The following GPAM variants were observed in gnomAD, a reference collection of about 807,000 sequenced individuals.
GPAM encodes glycerol-3-phosphate acyltransferase, mitochondrial.
In GPAM, 56 loss-of-function variants were observed where a neutral mutation model predicts 105.0. The observed-to-expected ratio is 0.53, with a 90% CI of 0.43 to 0.67. The LOEUF (loss-of-function observed/expected upper bound fraction) is 0.67, where lower values mean the gene tolerates loss of function less well. GPAM is among the 30% of genes least tolerant of loss of function. The pLI is 0.00. For missense variants in GPAM, 855 were observed against 989.8 expected (o/e 0.86, Z 1.83); for synonymous variants, 368 against 354.4 (o/e 1.04, Z -0.43).
At position 112,151,238 on chromosome 10, in the gene GPAM, G is replaced by A. The variant is rs1846912322; in HGVS notation, c.*2312C>T. ...GCACCTAGTTTGTTTAACCTTATGT[G>A]GAAGCCATCACTGTTGGAAAACAAT... On this transcript the variant is annotated 3_prime_UTR_variant, in exon 22 of 22. Transcript: ENST00000348367. The A allele has an allele frequency of 1.0e-6, 1 of 985,302 alleles. No homozygotes were observed. The highest frequency in any genetic ancestry group is 1.7e-5 in the African/African-American group (1 of 57,174). 61.0% of individuals were successfully genotyped at this position (985,302 alleles called of 1,614,324 possible).
At chr10:112,180,280 A>T (rs1314370670) in intron 4 of GPAM, among the ~76,000 whole-genome samples, 193 bp downstream of exon 4, 1 of 152,230 alleles carries the variant, frequency 6.6e-6, no homozygotes, top group Non-Finnish European at 1.5e-5. Flanking sequence ...CCTAGTATCA[A>T]TTATGGGACC....
intron 6 of GPAM, among the ~76,000 whole-genome samples, chr10:112,174,462 A>C (rs1476603296): frequency 1.3e-5 from 2 of 152,272 alleles, no homozygotes; most frequent in African/African-American, 4.8e-5. Context: ...TAAATCTTCC[A>C]GCTGACTTAG....
Position 112,153,477 on chromosome 10 carries a change from T to C in GPAM, c.*73A>G. The C allele has an allele frequency of 6.2e-7, 1 of 1,609,592 alleles. No individual in the cohort carries two copies. The highest frequency in any genetic ancestry group is 1.7e-4 in the Middle Eastern group (1 of 5,972). On this transcript the variant is annotated 3_prime_UTR_variant, in exon 22 of 22. Transcript: ENST00000348367. ...CTGACCCTGCGATGGCACCTTCAAC[T>C]CTTGAGCCAGAAGCTGGTACCTACA...
chr10:112,226,503 AC>A, the GPAM span, among the ~76,000 whole-genome samples: 12 of 152,102 alleles, frequency 7.9e-5, no homozygotes, highest in African/African-American at 2.9e-4. Flanking sequence ...GGGTGATCAG[AC>A]CCAACACCAG....
At position 112,211,646 on chromosome 10, in the gene GPAM, G is replaced by A. The variant is rs141701572; in HGVS notation, n.210+3522C>T. ...TCAACTGCAAGTTCCACAAGGGCAC[G>A]CAGCTTTCTCAGCCTCATTCTCTAT... On this transcript the variant is annotated intron_variant and non_coding_transcript_variant, in intron 1 of 3. Coordinates refer to the GPAM transcript ENST00000480130. 9.5e-3 allele frequency among the ~76,000 whole-genome samples: 1,443 copies of A among 152,226 alleles called. 15 individuals are homozygous for A. The highest frequency in any genetic ancestry group is 0.014 in the Non-Finnish European group (980 of 68,014).
intron 18 of GPAM, among the ~76,000 whole-genome samples, chr10:112,158,110 T>C (rs1023531475): frequency 2.0e-5 from 3 of 152,146 alleles, no homozygotes; most frequent in African/African-American, 7.2e-5. Context: ...TTTGTATTTT[T>C]AGGAAAGACA....
chr10:112,153,320 T>G lies in GPAM; in HGVS notation c.*230A>C. On this transcript the variant is annotated 3_prime_UTR_variant, in exon 22 of 22. Coordinates refer to ENST00000348367, the MANE Select transcript of GPAM (RefSeq NM_001244949.2). ...ATCTTGTAGTCTACGGATTATGAGT[T>G]GCGAATAGAGGCTGAGGTCCCCCCA... 7.1e-7 allele frequency: 1 copy of G among 1,406,384 alleles called. No homozygotes were observed. Among genetic ancestry groups the G allele is most frequent in the South Asian group, 1.5e-5 (1 of 66,272 alleles). The allele number at this position is 1,406,384 out of a possible 1,614,324, so 87.1% of individuals were successfully genotyped here.
intron 8 of GPAM, 35 bp downstream of exon 8, chr10:112,172,935 G>C (rs375430774): frequency 3.0e-5 from 33 of 1,084,780 alleles, no homozygotes; most frequent in Non-Finnish European, 4.5e-5. Flanking sequence ...ACAATTGAGG[G>C]GAAAATGGGG....
At chr10:112,206,860 G>A (rs866667970) in intron 1 of GPAM, among the ~76,000 whole-genome samples, 10 of 149,436 alleles carry the variant, frequency 6.7e-5, no homozygotes, top group Admixed American at 5.3e-4. Context: ...AATCAAAACA[G>A]GGATTCTATC....
chr10:112,197,027 C>T (rs1389081960), intron 1 of GPAM, among the ~76,000 whole-genome samples: 1 of 152,170 alleles, frequency 6.6e-6, no homozygotes, highest in African/African-American at 2.4e-5. Flanking sequence ...TATAGGTAAT[C>T]AATGGGTTAA....
intron 18 of GPAM, 34 bp downstream of exon 18, chr10:112,158,282 A>G (rs1438464186): frequency 8.3e-7 from 1 of 1,198,622 alleles, no homozygotes; most frequent in African/African-American, 1.5e-5. Flanking sequence ...AAGAGTAAGT[A>G]TAAAGACAAA....
chr10:112,177,916 T>C, intron 5 of GPAM, 68 bp downstream of exon 5: 2 of 822,046 alleles, frequency 2.4e-6, no homozygotes, highest in South Asian at 2.8e-5. Context: ...CAGCTTAAAG[T>C]GTGTTAACTG....
At chr10:112,158,167 G>A in intron 18 of GPAM, 149 bp downstream of exon 18, 1 of 717,346 alleles carries the variant, frequency 1.4e-6, no homozygotes, top group East Asian at 2.5e-5. Flanking sequence ...CTGACCTCAG[G>A]TGATCCACCC....
rs1846889070 is a variant in GPAM, at chr10:112,150,152, C to A, written c.*3398G>T. On this transcript the variant is annotated 3_prime_UTR_variant, in exon 22 of 22. Transcript: ENST00000348367. ...CATTAGTTTGTATTAAACTAAAATG[C>A]CAGACGGCAAGTCTCAGGTTTCTAA... is the stretch of plus-strand genomic sequence containing the variant. The A allele has an allele frequency of 4.6e-5, 45 of 984,694 alleles. No homozygotes were observed. The highest frequency in any genetic ancestry group is 5.4e-5 in the Non-Finnish European group (45 of 829,396). 61.0% of individuals were successfully genotyped at this position (984,694 alleles called of 1,614,324 possible). A position where few individuals can be genotyped will look rare whatever the true frequency, so the allele number is the denominator to read the frequency against.
At chr10:112,204,327 C>T (rs74156600) in intron 1 of GPAM, among the ~76,000 whole-genome samples, 9,901 of 149,356 alleles carry the variant, frequency 0.066, 1,078 homozygotes, top group African/African-American at 0.23. Context: ...TCTGGTGACA[C>T]AAGAGATCTG....
intron 1 of GPAM, among the ~76,000 whole-genome samples, chr10:112,194,611 T>C (rs987208816): frequency 6.6e-6 from 1 of 152,150 alleles, no homozygotes; most frequent in African/African-American, 2.4e-5. Context: ...GATCCTAAGG[T>C]GGACTAGATT....
At chr10:112,179,322 GTAGT>G in intron 4 of GPAM, among the ~76,000 whole-genome samples, 1 of 152,158 alleles carries the variant, frequency 6.6e-6, no homozygotes, top group Non-Finnish European at 1.5e-5. Flanking sequence ...AGAACACATT[GTAGT>G]TATTGTTTTA....
intron 6 of GPAM, among the ~76,000 whole-genome samples, chr10:112,175,260 T>C (rs1847382890): frequency 6.6e-6 from 1 of 152,200 alleles, no homozygotes; most frequent in African/African-American, 2.4e-5. Context: ...GGCTATAAAA[T>C]AGGAAATACA....
chr10:112,220,853 T>TACAC, the GPAM span, among the ~76,000 whole-genome samples: 3,639 of 145,958 alleles, frequency 0.025, 99 homozygotes, highest in Admixed American at 0.063. Context: ...AGATCTCAAA[T>TACAC]ACACACACAC....
Sources: allele counts gnomAD v4.1 joint callset (sites outside exome capture counted in the v4.1 genomes callset), GRCh38; gene constraint gnomAD v4.1.1; transcripts MANE v1.5; gene names NCBI Gene and HGNC (gene_info 2026-07-23, HGNC 2026-07-21).